Variants in ADGRE3 observed in about 807,000 individuals in gnomAD.
The protein encoded by ADGRE3 is EGF-like module receptor 3.
In ADGRE3, 88 loss-of-function variants were observed where a neutral mutation model predicts 80.1. That is an observed-to-expected ratio of 1.10 (90% CI 0.93 to 1.31). The LOEUF (loss-of-function observed/expected upper bound fraction) is 1.31, where lower values mean the gene tolerates loss of function less well. Among genes scored for constraint, ADGRE3 ranks in the 40% most tolerant of loss-of-function variants. The pLI, the probability that ADGRE3 is intolerant of heterozygous loss-of-function variation, is 0.00. For missense variants in ADGRE3, 715 were observed against 776.5 expected, an observed-to-expected ratio of 0.92 and a Z score of 0.94; for synonymous variants, 281 against 294.8, an observed-to-expected ratio of 0.95 and a Z score of 0.48.
At chr19:14,627,733 T>C (rs114817235) in intron 14 of ADGRE3, among the ~76,000 whole-genome samples, 2,199 of 152,214 alleles carry the variant, frequency 0.014, 51 homozygotes, top group African/African-American at 0.05. Flanking sequence ...CACCCCTTAG[T>C]AAGGGATCTT....
At chr19:14,613,372 C>T in the ADGRE3 span, among the ~76,000 whole-genome samples, 1 of 151,460 alleles carries the variant, frequency 6.6e-6, no homozygotes, top group African/African-American at 2.4e-5. Context: ...CAGGTGTGCC[C>T]CCACCACACC....
At chr19:14,617,457 G>T (rs997743690), downstream of ADGRE3, among the ~76,000 whole-genome samples, 1 of 149,618 alleles carries the variant, frequency 6.7e-6, no homozygotes, top group African/African-American at 2.5e-5. Flanking sequence ...GAGTGCAATG[G>T]CATGATATTG....
At chr19:14,618,435 G>A (rs2146782754), downstream of ADGRE3, among the ~76,000 whole-genome samples, 1 of 152,094 alleles carries the variant, frequency 6.6e-6, no homozygotes, top group East Asian at 1.9e-4. Context: ...TGTGCTTGTA[G>A]TCCCAGCTAT....
intron 7 of ADGRE3, among the ~76,000 whole-genome samples, chr19:14,650,790 C>T (rs1398043185): frequency 6.6e-6 from 1 of 152,024 alleles, no homozygotes. Context: ...GATCACCTCC[C>T]AAAGAAACTT....
chr19:14,669,860 T>A (rs1972204564), intron 1 of ADGRE3, among the ~76,000 whole-genome samples: 1 of 152,114 alleles, frequency 6.6e-6, no homozygotes, highest in African/African-American at 2.4e-5. Flanking sequence ...TAGTTCTATC[T>A]TTAGTTCTTT....
chr19:14,667,896 A>C (rs567367169), intron 2 of ADGRE3, among the ~76,000 whole-genome samples: 4 of 152,290 alleles, frequency 2.6e-5, no homozygotes, highest in Admixed American at 1.3e-4. Context: ...ATACCTTCAT[A>C]ATGTTGTGGA....
chr19:14,604,532 G>A, the ADGRE3 span, among the ~76,000 whole-genome samples: 1 of 151,958 alleles, frequency 6.6e-6, no homozygotes, highest in Non-Finnish European at 1.5e-5. Context: ...CGAGGCCGAG[G>A]TGGGCAGATC....
At chr19:14,609,416 G>A in the ADGRE3 span, among the ~76,000 whole-genome samples, 51 of 152,156 alleles carry the variant, frequency 3.4e-4, no homozygotes, top group African/African-American at 1.1e-3. Flanking sequence ...CTACACACTC[G>A]AGTCCCTGAA....
intron 11 of ADGRE3, among the ~76,000 whole-genome samples, chr19:14,635,660 G>T (rs1047342103): frequency 6.6e-6 from 1 of 150,756 alleles, no homozygotes; most frequent in South Asian, 2.1e-4. Flanking sequence ...TCATCCACCC[G>T]CCTCAGCCTC....
chr19:14,600,304 CT>C, the ADGRE3 span: 1 of 1,183,994 alleles, frequency 8.4e-7, no homozygotes, highest in Non-Finnish European at 1.2e-6. Flanking sequence ...GTTACTAAAA[CT>C]TTAACAGCAA....
chr19:14,605,158 C>T, the ADGRE3 span, among the ~76,000 whole-genome samples: 28 of 150,952 alleles, frequency 1.9e-4, no homozygotes, highest in African/African-American at 4.9e-4. Flanking sequence ...AGTGCACTGT[C>T]GCGATCTCAG....
downstream of ADGRE3, among the ~76,000 whole-genome samples, chr19:14,614,378 C>T (rs368567312): frequency 6.1e-4 from 93 of 152,304 alleles, no homozygotes; most frequent in African/African-American, 2.1e-3. Context: ...CTCCCTTCCA[C>T]ATCTCTCATG....
At chr19:14,614,212 G>A (rs1304759194), downstream of ADGRE3, among the ~76,000 whole-genome samples, 1 of 152,126 alleles carries the variant, frequency 6.6e-6, no homozygotes, top group East Asian at 1.9e-4. Flanking sequence ...TCCACCCAGG[G>A]GACTGTTATG....
intron 8 of ADGRE3, among the ~76,000 whole-genome samples, chr19:14,645,963 C>A (rs180748189): frequency 7.9e-5 from 12 of 152,072 alleles, no homozygotes; most frequent in Admixed American, 1.3e-4. Context: ...CAGAATGAGA[C>A]CCTTTCTCAA....
chr19:14,604,550 G>T, the ADGRE3 span, among the ~76,000 whole-genome samples: 1 of 152,074 alleles, frequency 6.6e-6, no homozygotes, highest in Non-Finnish European at 1.5e-5. Flanking sequence ...ATCACCTGAG[G>T]TCAGGAGTTT....
At chr19:14,627,808 T>G (rs1208074765) in intron 14 of ADGRE3, among the ~76,000 whole-genome samples, 1 of 152,088 alleles carries the variant, frequency 6.6e-6, no homozygotes, top group East Asian at 1.9e-4. Context: ...AGTAGCCATA[T>G]GAAATAAAAC....
At chr19:14,618,126 A>T (rs2075093316), downstream of ADGRE3, among the ~76,000 whole-genome samples, 1 of 152,162 alleles carries the variant, frequency 6.6e-6, no homozygotes, top group South Asian at 2.1e-4. Flanking sequence ...TTTTATATAG[A>T]CAAAAATATA....
chr19:14,620,473 ATGAGTAC>A (rs1970527634), intron 15 of ADGRE3, among the ~76,000 whole-genome samples: 1 of 25,474 alleles, frequency 3.9e-5, no homozygotes, highest in East Asian at 2.8e-3. Flanking sequence ...TGAATATATT[ATGAGTAC>A]ATATGAATAT....
At position 14,631,633 on chromosome 19, in the gene ADGRE3, A is replaced by G. The variant is rs566911197; in HGVS notation, c.1643+1288T>C. 8.7e-4 allele frequency among the ~76,000 whole-genome samples: 132 copies of G among 151,850 alleles called. 1 individual carries two copies. The highest frequency in any genetic ancestry group is 3.0e-3 in the African/African-American group (123 of 41,486). ...TATAGAATATATTATATGTGTATGT[A>G]TATGTGTGTACATACACATATAATA... is the stretch of plus-strand genomic sequence containing the variant. On this transcript the variant is annotated intron_variant, in intron 13 of 15. Transcript: ENST00000253673.
Sources: gnomAD v4.1 joint callset for allele counts (sites outside exome capture counted in the v4.1 genomes callset) on GRCh38, gnomAD v4.1.1 for gene constraint, MANE v1.5 for transcripts, NCBI Gene and HGNC (gene_info 2026-07-23, HGNC 2026-07-21) for gene names.